Variants in EYS observed in about 807,000 individuals in gnomAD.
The protein encoded by EYS is protein eyes shut homolog.
EYS carries 250 observed loss-of-function variants against 282.1 expected under a neutral mutation model. The observed-to-expected ratio is 0.89, with a 90% CI of 0.80 to 0.98. The LOEUF (loss-of-function observed/expected upper bound fraction) is 0.98, where lower values mean the gene tolerates loss of function less well. EYS is among the 50% of genes least tolerant of loss of function. EYS has a pLI of 0.00. For synonymous variants in EYS, 1,355 were observed against 1,282.9 expected, an observed-to-expected ratio of 1.06 and a Z score of -1.20; for missense variants, 4,016 against 3,709.0, an observed-to-expected ratio of 1.08 and a Z score of -2.15.
intron 35 of EYS, among the ~76,000 whole-genome samples, chr6:63,918,577 T>A (rs776853523): frequency 1.3e-5 from 2 of 152,094 alleles, no homozygotes; most frequent in African/African-American, 2.4e-5. Context: ...AGAAAGCAAC[T>A]CAGCCTGGTC....
intron 22 of EYS, among the ~76,000 whole-genome samples, chr6:64,669,417 G>C (rs995002547): frequency 1.3e-5 from 2 of 152,118 alleles, no homozygotes; most frequent in Admixed American, 6.5e-5. Flanking sequence ...GAGAGAGAGA[G>C]AAACGACCTC....
intron 31 of EYS, among the ~76,000 whole-genome samples, chr6:64,192,040 A>G (rs914969149): frequency 7.6e-5 from 11 of 143,892 alleles, no homozygotes; most frequent in Admixed American, 2.8e-4. Flanking sequence ...GTGAGATGTT[A>G]TCTCATTGTG....
intron 30 of EYS, among the ~76,000 whole-genome samples, chr6:64,278,553 GA>G (rs1562284314): frequency 6.6e-6 from 1 of 152,024 alleles, no homozygotes; most frequent in Admixed American, 6.6e-5. Flanking sequence ...CTGTAATTAG[GA>G]ACCCTAAAAA....
At chr6:64,223,324 A>G (rs1201980693) in intron 31 of EYS, among the ~76,000 whole-genome samples, 1 of 152,064 alleles carries the variant, frequency 6.6e-6, no homozygotes, top group African/African-American at 2.4e-5. Context: ...ATGTCTGTCA[A>G]TTAAAAGGAC....
intron 22 of EYS, among the ~76,000 whole-genome samples, chr6:64,651,423 A>T (rs547144581): frequency 3.3e-5 from 5 of 152,216 alleles, no homozygotes; most frequent in Admixed American, 3.3e-4. Context: ...GAGTAGATTC[A>T]TGGGAATAAT....
At chr6:64,404,007 T>A (rs1438290977) in intron 28 of EYS, among the ~76,000 whole-genome samples, 1 of 152,146 alleles carries the variant, frequency 6.6e-6, no homozygotes, top group African/African-American at 2.4e-5. Flanking sequence ...GTGTATTTCT[T>A]ATATTCTGTG....
At chr6:65,318,229 C>A (rs1769368687) in intron 11 of EYS, among the ~76,000 whole-genome samples, 1 of 151,608 alleles carries the variant, frequency 6.6e-6, no homozygotes, top group African/African-American at 2.4e-5. Context: ...AATATAGCAA[C>A]TTGTTTTTCA....
intron 26 of EYS, among the ~76,000 whole-genome samples, chr6:64,489,875 T>C (rs1370221359): frequency 1.3e-5 from 2 of 150,774 alleles, no homozygotes; most frequent in African/African-American, 2.4e-5. Context: ...GTTGTCTTCT[T>C]TCTGAATTCA....
chr6:64,372,462 C>T (rs1461440042), intron 29 of EYS, among the ~76,000 whole-genome samples: 1 of 151,926 alleles, frequency 6.6e-6, no homozygotes, highest in African/African-American at 2.4e-5. Flanking sequence ...TTTCTAGCTG[C>T]CTTTAACATT....
intron 31 of EYS, among the ~76,000 whole-genome samples, chr6:64,129,983 G>A (rs895099647): frequency 6.6e-6 from 1 of 152,052 alleles, no homozygotes; most frequent in Non-Finnish European, 1.5e-5. Flanking sequence ...TGTTCCATTG[G>A]TCTATATCTC....
intron 1 of EYS, among the ~76,000 whole-genome samples, chr6:65,654,121 G>A (rs1767742014): frequency 6.6e-6 from 1 of 151,836 alleles, no homozygotes; most frequent in Admixed American, 6.6e-5. Flanking sequence ...GTCATAAATT[G>A]ACAAGACAAC....
chr6:64,307,604 C>A (rs77303917), intron 29 of EYS, among the ~76,000 whole-genome samples: 2,623 of 152,078 alleles, frequency 0.017, 67 homozygotes, highest in African/African-American at 0.06. Flanking sequence ...TACAAAGCAT[C>A]AGATATTTAG....
At chr6:65,029,133 C>CA (rs907040651) in intron 13 of EYS, among the ~76,000 whole-genome samples, 2 of 151,734 alleles carry the variant, frequency 1.3e-5, no homozygotes, top group African/African-American at 2.4e-5. Context: ...CTTTATAATG[C>CA]AAAAAAGATA....
chr6:64,963,852 T>C (rs1770008085), intron 14 of EYS, among the ~76,000 whole-genome samples: 1 of 152,202 alleles, frequency 6.6e-6, no homozygotes, highest in Non-Finnish European at 1.5e-5. Flanking sequence ...TATAAAATGC[T>C]GACCAACAGC....
chr6:65,120,460 C>CAAAAAAAAAAAAAAAAAAAAAAAATAAAA (rs1775507703), intron 12 of EYS, among the ~76,000 whole-genome samples: 1 of 68,288 alleles, frequency 1.5e-5, no homozygotes, highest in Non-Finnish European at 2.7e-5. Context: ...TTTAAATAAG[C>CAAAAAAAAAAAAAAAAAAAAAAAATAAAA]AAAAAAAAAA....
At position 64,422,150 on chromosome 6, in the gene EYS, TGATA is replaced by T. The variant is rs367911397; in HGVS notation, c.5927+14020_5927+14023del. ...ATAGATCGATAGATTGATAGACAGA[TGATA>T]GATAGACAGATAGATGACAGACAGA... is the stretch of plus-strand genomic sequence containing the variant. On this transcript the variant is annotated intron_variant, in intron 28 of 42. Transcript: ENST00000503581. Among the ~76,000 whole-genome samples the T allele has an allele frequency of 2.0e-4, 31 of 151,430 alleles. No homozygotes were observed. In the East Asian group the frequency reaches 4.2e-3, roughly 21 times the overall value.
intron 31 of EYS, among the ~76,000 whole-genome samples, chr6:64,167,184 A>C (rs962307687): frequency 1.3e-5 from 2 of 152,206 alleles, no homozygotes; most frequent in African/African-American, 4.8e-5. Flanking sequence ...CTCCCAAATA[A>C]GAGAATCATA....
intron 37 of EYS, among the ~76,000 whole-genome samples, chr6:63,805,624 T>A (rs1008135979): frequency 2.0e-5 from 3 of 152,216 alleles, no homozygotes; most frequent in African/African-American, 7.2e-5. Context: ...GGTTTTGTGT[T>A]CCCACGCAAA....
At chr6:64,470,642 A>T (rs1429643598) in intron 26 of EYS, among the ~76,000 whole-genome samples, 1 of 152,168 alleles carries the variant, frequency 6.6e-6, no homozygotes, top group Non-Finnish European at 1.5e-5. Context: ...AAGCTTACAA[A>T]TTACTGTTGG....
Sources: gnomAD v4.1 joint callset for allele counts (sites outside exome capture counted in the v4.1 genomes callset) on GRCh38, gnomAD v4.1.1 for gene constraint, MANE v1.5 for transcripts, NCBI Gene and HGNC (gene_info 2026-07-23, HGNC 2026-07-21) for gene names.